The following KCNMB4 variants were observed in gnomAD, a reference collection of about 807,000 sequenced individuals.
KCNMB4 encodes the protein calcium-activated potassium channel subunit beta-4.
In KCNMB4, 3 loss-of-function variants were observed where a neutral mutation model predicts 20.7. The ratio of observed to expected loss-of-function variants is 0.14; its 90% CI spans 0.07 to 0.37. The LOEUF (loss-of-function observed/expected upper bound fraction) is 0.37, where lower values mean the gene tolerates loss of function less well. Ranked by LOEUF, KCNMB4 falls within the 10% of genes least tolerant of loss-of-function variation. KCNMB4 has a pLI of 1.00. For missense variants in KCNMB4, 168 were observed against 265.9 expected, an observed-to-expected ratio of 0.63 and a Z score of 2.56; for synonymous variants, 110 against 113.4, an observed-to-expected ratio of 0.97 and a Z score of 0.19.
At chr12:70,395,733 G>A (rs1305082011) in intron 1 of KCNMB4, among the ~76,000 whole-genome samples, 3 of 152,038 alleles carry the variant, frequency 2.0e-5, no homozygotes, top group Non-Finnish European at 1.5e-5. Flanking sequence ...AATCTTTTTC[G>A]AAAATATTTT....
At chr12:70,423,381 A>G (rs1869121019) in intron 2 of KCNMB4, among the ~76,000 whole-genome samples, 1 of 152,204 alleles carries the variant, frequency 6.6e-6, no homozygotes, top group Admixed American at 6.5e-5. Flanking sequence ...TAACATTCAT[A>G]CATCTATAAT....
chr12:70,407,460 C>CTTTTTTTTTTTT (rs35371839), intron 2 of KCNMB4, among the ~76,000 whole-genome samples: 2 of 64,184 alleles, frequency 3.1e-5, no homozygotes, highest in Admixed American at 2.5e-4. Context: ...GTGCTGAATT[C>CTTTTTTTTTTTT]TTTTTTTTTT....
rs533794004 is a variant in KCNMB4, at chr12:70,374,440, G to A, written c.336+7370G>A. 2.6e-5 allele frequency among the ~76,000 whole-genome samples: 4 copies of A among 152,198 alleles called. No homozygotes were observed. In the South Asian group the frequency reaches 8.3e-4, roughly 32 times the overall value. On this transcript the variant is annotated intron_variant, in intron 1 of 2. Transcript: ENST00000258111. ...ATTACTCACAGTAAAATACTGAACA[G>A]AATAGTTTTTAACATTGCATATGTT...
At chr12:70,419,314 C>T (rs891496422) in intron 2 of KCNMB4, among the ~76,000 whole-genome samples, 1 of 152,080 alleles carries the variant, frequency 6.6e-6, no homozygotes, top group African/African-American at 2.4e-5. Context: ...CTTAAATTTC[C>T]CCGTTTCTGG....
intron 2 of KCNMB4, among the ~76,000 whole-genome samples, chr12:70,403,714 C>T (rs111902617): frequency 2.6e-5 from 4 of 152,328 alleles, no homozygotes; most frequent in African/African-American, 9.6e-5. Flanking sequence ...TTTGTAAAAT[C>T]GATGCTAGGG....
At chr12:70,412,661 C>A (rs1439450974) in intron 2 of KCNMB4, among the ~76,000 whole-genome samples, 4 of 151,952 alleles carry the variant, frequency 2.6e-5, no homozygotes, top group Non-Finnish European at 5.9e-5. Flanking sequence ...TTTTATAGAG[C>A]AAATTACTAA....
intron 2 of KCNMB4, among the ~76,000 whole-genome samples, chr12:70,428,931 T>G (rs1869284698): frequency 6.6e-6 from 1 of 152,202 alleles, no homozygotes; most frequent in Admixed American, 6.5e-5. Flanking sequence ...AATATAAATT[T>G]TATTTGAAAT....
chr12:70,387,456 G>A (rs1868267480), intron 1 of KCNMB4, among the ~76,000 whole-genome samples: 1 of 143,526 alleles, frequency 7.0e-6, no homozygotes, highest in African/African-American at 2.6e-5. Context: ...AGGCTAGAGT[G>A]TGGTGGTACA....
At chr12:70,401,370 C>G (rs1565861177) in intron 2 of KCNMB4, among the ~76,000 whole-genome samples, 2 of 145,634 alleles carry the variant, frequency 1.4e-5, no homozygotes, top group Non-Finnish European at 3.0e-5. Flanking sequence ...CTCTGCCTCC[C>G]CACTATCACT....
intron 2 of KCNMB4, among the ~76,000 whole-genome samples, chr12:70,411,256 T>C (rs1368980175): frequency 6.6e-6 from 1 of 152,052 alleles, no homozygotes; most frequent in South Asian, 2.1e-4. Flanking sequence ...AGTAAAGAAA[T>C]AAATGGTTAA....
rs748946457 is a variant in KCNMB4, at chr12:70,366,723, G to T, written c.-12G>T. 2.6e-6 allele frequency: 4 copies of T among 1,559,436 alleles called. No individual in the cohort carries two copies. The South Asian group carries it at 3.5e-5, about 14-fold the overall frequency. On this transcript the variant is annotated 5_prime_UTR_variant, in exon 1 of 3. Transcript: ENST00000258111. ...GCGGGGGGAGCACGCCAGCCGCCGAGAGTGGGGGGCGATGGCGAAGCTCCG... is the reference window on the plus strand; with the variant it reads ...GCGGGGGGAGCACGCCAGCCGCCGATAGTGGGGGGCGATGGCGAAGCTCCG...
intron 1 of KCNMB4, among the ~76,000 whole-genome samples, chr12:70,392,898 G>A (rs1019435449): frequency 6.6e-6 from 1 of 152,090 alleles, no homozygotes; most frequent in African/African-American, 2.4e-5. Flanking sequence ...GGGTTGATGG[G>A]TGCAGCAAAC....
chr12:70,393,822 C>T (rs1036213430), intron 1 of KCNMB4, among the ~76,000 whole-genome samples: 16 of 115,258 alleles, frequency 1.4e-4, no homozygotes, highest in African/African-American at 6.8e-4. Flanking sequence ...ACGCCATCTC[C>T]TATGCCCCTT....
intron 1 of KCNMB4, among the ~76,000 whole-genome samples, chr12:70,394,503 T>C (rs181096529): frequency 6.3e-4 from 96 of 152,318 alleles, no homozygotes; most frequent in African/African-American, 2.2e-3. Context: ...TGGATAAACA[T>C]TCTGGACTAC....
chr12:70,400,917 C>G (rs1401057522), intron 2 of KCNMB4, among the ~76,000 whole-genome samples: 2 of 152,218 alleles, frequency 1.3e-5, no homozygotes, highest in Admixed American at 1.3e-4. Context: ...CCCATAATCT[C>G]TGTCTTAGAA....
chr12:70,367,005 AAC>A lies in KCNMB4; in HGVS notation c.272_273del (p.Asn91IlefsTer2). 4 of 1,595,256 alleles carry A rather than the reference AAC, an allele frequency of 2.5e-6. No individual in the cohort carries two copies. Among genetic ancestry groups the A allele is most frequent in the Non-Finnish European group, 3.4e-6 (4 of 1,168,640 alleles). On this transcript the variant is annotated frameshift_variant, in exon 1 of 3. Transcript: ENST00000258111. LOFTEE classifies it high-confidence loss of function. ...CCCCTGCGTCCAGGTCTACGTGAAC[AAC>A]TCTGAGTCCAACTCTAGGGCGCTGC... is the stretch of plus-strand genomic sequence containing the variant. Reference protein sequence around the residue: ...QYPCVQVYVNNSESNSRALLH... With the variant: ...QYPCVQVYVNXSESNSRALLH...
chr12:70,388,189 T>G (rs1268225844), intron 1 of KCNMB4, among the ~76,000 whole-genome samples: 2 of 152,210 alleles, frequency 1.3e-5, no homozygotes, highest in South Asian at 2.1e-4. Context: ...AGTACTCTAT[T>G]GTATATATGT....
At chr12:70,411,141 C>G (rs1256791558) in intron 2 of KCNMB4, among the ~76,000 whole-genome samples, 1 of 152,164 alleles carries the variant, frequency 6.6e-6, no homozygotes, top group Non-Finnish European at 1.5e-5. Flanking sequence ...CCTTCAAACT[C>G]TCAAATTCTA....
intron 1 of KCNMB4, among the ~76,000 whole-genome samples, chr12:70,396,783 C>T (rs1035834601): frequency 1.3e-5 from 2 of 152,156 alleles, no homozygotes; most frequent in African/African-American, 4.8e-5. Context: ...TGAGAGACAT[C>T]CATGGTGGAA....
Sources: gnomAD v4.1 joint callset for allele counts (sites outside exome capture counted in the v4.1 genomes callset) on GRCh38, gnomAD v4.1.1 for gene constraint, MANE v1.5 for transcripts, NCBI Gene and HGNC (gene_info 2026-07-23, HGNC 2026-07-21) for gene names.